Variants in C14orf39 observed in about 807,000 individuals in gnomAD.
C14orf39 encodes the protein protein SIX6OS1.
A neutral mutation model predicts 85.6 loss-of-function variants in C14orf39; 66 were observed. That is an observed-to-expected ratio of 0.77 (90% CI 0.63 to 0.95). The LOEUF is 0.95. Ranked by LOEUF, C14orf39 falls within the 40% of genes least tolerant of loss-of-function variation. The pLI, the probability that C14orf39 is intolerant of heterozygous loss-of-function variation, is 0.00. For missense variants in C14orf39, 735 were observed against 663.9 expected (o/e 1.11, Z -1.18); for synonymous variants, 242 against 214.0 (o/e 1.13, Z -1.14).
rs529512647 is a variant in C14orf39, at chr14:60,453,745, A to T, written c.1503+1256T>A. On this transcript the variant is annotated intron_variant, in intron 16 of 17. Transcript: ENST00000321731. The stretch of plus-strand genomic sequence containing the variant: ...CTTTCCCCCAGGACAGTTATTAATT[A>T]TTTTGCCAATCTCCTTCCCCAATCC... 6.6e-5 allele frequency among the ~76,000 whole-genome samples: 10 copies of T among 151,858 alleles called. No individual in the cohort carries two copies. In the East Asian group the frequency reaches 1.9e-3, roughly 29 times the overall value.
rs534598883 is a variant in C14orf39 at position 60,453,127 on chromosome 14, C to T, written c.1503+1874G>A. Among the ~76,000 whole-genome samples, 343 of 152,194 alleles carry T rather than the reference C, an allele frequency of 2.3e-3. 1 individual carries two copies. The highest frequency in any genetic ancestry group is 8.0e-3 in the African/African-American group (333 of 41,562). On this transcript the variant is annotated intron_variant, in intron 16 of 17. Coordinates refer to ENST00000321731, the MANE Select transcript of C14orf39 (RefSeq NM_174978.3). ...TAAAGATCTTTACTGATTGTGTTAT[C>T]TAATTCTACCAGCTGCTAAAAGAGA...
chr14:60,490,715 T>C (rs1276437324), upstream of C14orf39, among the ~76,000 whole-genome samples: 1 of 152,138 alleles, frequency 6.6e-6, no homozygotes, highest in African/African-American at 2.4e-5. Flanking sequence ...TCATGTGCTA[T>C]ACAGCAAGAA....
In C14orf39 at chr14:60,436,582, C is replaced by A; in HGVS notation, c.*263G>T. The A allele has an allele frequency of 4.1e-6, 1 of 241,802 alleles. No individual in the cohort carries two copies. Among genetic ancestry groups the A allele is most frequent in the South Asian group, 1.0e-4 (1 of 9,892 alleles). The allele number at this position is 241,802 out of a possible 1,614,324, so 15.0% of individuals were successfully genotyped here. Reference sequence around the variant, plus strand: ...TTTAAATAAAGAGTAATGAAAAAAGCATCAAATTCTATTAAGATTAATAAA... The same window carrying A: ...TTTAAATAAAGAGTAATGAAAAAAGAATCAAATTCTATTAAGATTAATAAA... On this transcript the variant is annotated 3_prime_UTR_variant, in exon 18 of 18. Coordinates refer to ENST00000321731, the MANE Select transcript of C14orf39 (RefSeq NM_174978.3).
chr14:60,470,988 C>T (rs1226182683), intron 7 of C14orf39, among the ~76,000 whole-genome samples: 1 of 151,926 alleles, frequency 6.6e-6, no homozygotes, highest in East Asian at 1.9e-4. Context: ...CTACTAAACC[C>T]AGAGCTCCTT....
chr14:60,497,790 G>A (rs557677882), intron 2 of C14orf39, among the ~76,000 whole-genome samples: 2 of 152,154 alleles, frequency 1.3e-5, no homozygotes, highest in South Asian at 2.1e-4. Flanking sequence ...GCTGAGGCAG[G>A]AGAATCGATT....
At chr14:60,509,414 A>C in intron 1 of C14orf39, 1 of 1,599,472 alleles carries the variant, frequency 6.3e-7, no homozygotes, top group Non-Finnish European at 8.5e-7. Context: ...CCAGCTGCCC[A>C]TCTTGAATTT....
At chr14:60,445,364 G>C (rs1018726202) in intron 16 of C14orf39, among the ~76,000 whole-genome samples, 5 of 152,132 alleles carry the variant, frequency 3.3e-5, no homozygotes, top group African/African-American at 9.7e-5. Context: ...CAAAGAGATG[G>C]AGGAAGATAT....
Position 60,461,531 on chromosome 14 carries a change from A to G in C14orf39, c.1035T>C (p.Ser345=). The change falls in exon 12 of 18, where the codon AGT becomes AGC. Residue 345 remains serine (S), a synonymous_variant. Coordinates refer to ENST00000321731, the MANE Select transcript of C14orf39 (RefSeq NM_174978.3). ...ACCTGACTTGCATAAACTTTTGTGA[A>G]CTTGTGATAGTCGTAATATGTGAAC... ...SKCSHITTIT[S]SQKFMQVRLL... 1 of 1,592,250 alleles carries G rather than the reference A, an allele frequency of 6.3e-7. No homozygotes were observed. Among genetic ancestry groups the G allele is most frequent in the Non-Finnish European group, 8.5e-7 (1 of 1,171,990 alleles).
intron 1 of C14orf39, among the ~76,000 whole-genome samples, chr14:60,514,554 C>T (rs1450704568): frequency 6.6e-6 from 1 of 152,062 alleles, no homozygotes; most frequent in African/African-American, 2.4e-5. Flanking sequence ...CTTTAATGAC[C>T]CACTCCACTT....
rs777828836 is a variant in C14orf39 at position 60,491,673 on chromosome 14, G to A, written c.-8-6587C>T. On this transcript the variant is annotated intron_variant, in intron 2 of 5. Coordinates refer to the C14orf39 transcript ENST00000556799. This position sits in a 1 kb window ranked among gnomAD's most constrained non-coding sequence, Gnocchi z 4.5. ...TCCATTTTTCTCTATTTCAGCTGCC[G>A]CCATCTAAATTCATTCTCTCACCTG... Among the ~76,000 whole-genome samples the A allele has an allele frequency of 9.9e-5, 15 of 151,978 alleles. No homozygotes were observed. Among genetic ancestry groups the A allele is most frequent in the Admixed American group, 2.0e-4 (3 of 15,262 alleles).
chr14:60,487,492 CGTGTGTGTGT>C (rs1308228152), upstream of C14orf39, among the ~76,000 whole-genome samples: 1 of 150,142 alleles, frequency 6.7e-6, no homozygotes, highest in African/African-American at 2.5e-5. Context: ...AATAAAAGTC[CGTGTGTGTGT>C]GTGTGTGTGT....
chr14:60,456,294 C>T (rs1891273395), intron 15 of C14orf39, among the ~76,000 whole-genome samples: 1 of 151,954 alleles, frequency 6.6e-6, no homozygotes, highest in Admixed American at 6.6e-5. Context: ...GATATTTATG[C>T]CTAAAGAGCT....
chr14:60,498,866 C>T (rs1269988949), intron 2 of C14orf39, among the ~76,000 whole-genome samples: 1 of 152,102 alleles, frequency 6.6e-6, no homozygotes, highest in African/African-American at 2.4e-5. Context: ...TGTGAAAACC[C>T]CCACTGGACT....
At chr14:60,492,438 T>C (rs1893003451) in intron 2 of C14orf39, among the ~76,000 whole-genome samples, 1 of 152,042 alleles carries the variant, frequency 6.6e-6, no homozygotes, top group Admixed American at 6.6e-5. Flanking sequence ...TCAGTAGTTA[T>C]AAAGTAAGAA....
intron 4 of C14orf39, among the ~76,000 whole-genome samples, chr14:60,483,136 A>G (rs1892720620): frequency 6.6e-6 from 1 of 152,190 alleles, no homozygotes; most frequent in Non-Finnish European, 1.5e-5. Flanking sequence ...GGCTTATTAA[A>G]ATTTTGAATA....
intron 14 of C14orf39, among the ~76,000 whole-genome samples, chr14:60,457,694 C>T (rs757996805): frequency 6.6e-6 from 1 of 151,910 alleles, no homozygotes; most frequent in African/African-American, 2.4e-5. Context: ...TTAAAATGTG[C>T]TTATTACGTG....
At position 60,457,047 on chromosome 14, in the gene C14orf39, C is replaced by T; in HGVS notation, c.1228G>A (p.Glu410Lys). The T allele has an allele frequency of 6.2e-7, 1 of 1,606,518 alleles. No individual in the cohort carries two copies. Among genetic ancestry groups the T allele is most frequent in the South Asian group, 1.1e-5 (1 of 89,756 alleles). The change falls in exon 15 of 18, where the codon GAA becomes AAA. Residue 410 changes from glutamate to lysine, a missense_variant. By Grantham distance (56) the Glu-to-Lys change is moderately conservative (BLOSUM62 1). Transcript: ENST00000321731. Reference protein sequence around the residue: ...FGKSVENDSDEVEERAENFPR... With the variant: ...FGKSVENDSDKVEERAENFPR... ...AAATTCTCAGCTCTCTCTTCTACTTCATCACTATCATTTTCTACTGACTTC... is the reference window on the plus strand; with the variant it reads ...AAATTCTCAGCTCTCTCTTCTACTTTATCACTATCATTTTCTACTGACTTC...
In C14orf39 at chr14:60,485,092, T is replaced by C. The variant is rs750215757; in HGVS notation, c.-8-6A>G. 1.3e-6 allele frequency: 2 copies of C among 1,590,308 alleles called. No homozygotes were observed. Among genetic ancestry groups the C allele is most frequent in the African/African-American group, 1.4e-5 (1 of 73,204 alleles). On this transcript the variant is annotated splice_region_variant and splice_polypyrimidine_tract_variant and intron_variant, in intron 1 of 17. Transcript: ENST00000321731. ...GCTGTCATTCATCTTGGATACTATG[T>C]TAAATGAAAAAAAAAATTATAAGAT...
At position 60,511,200 on chromosome 14, in the gene C14orf39, C is replaced by A. The variant is rs1450117500; in HGVS notation, c.-144+4195G>T. ...CCGGCCGCCAGTCTATCCAGCAAGG[C>A]GGCCACTTCAGCCATCTCCATCACG... On this transcript the variant is annotated intron_variant, in intron 1 of 5. Transcript: ENST00000556799. The A allele has an allele frequency of 1.2e-6, 2 of 1,613,062 alleles. No homozygotes were observed. Among genetic ancestry groups the A allele is most frequent in the Admixed American group, 1.7e-5 (1 of 60,016 alleles).
Sources: gnomAD v4.1 joint callset for allele counts (sites outside exome capture counted in the v4.1 genomes callset) on GRCh38, gnomAD v4.1.1 for gene constraint, Gnocchi (gnomAD v3.1) non-coding constraint, MANE v1.5 for transcripts, NCBI Gene and HGNC (gene_info 2026-07-23, HGNC 2026-07-21) for gene names.